CLASP2: variants seen among roughly 807,000 people sequenced by gnomAD.
CLASP2 encodes CLIP-associating protein 2.
In CLASP2, 47 loss-of-function variants were observed where a neutral mutation model predicts 194.4. The ratio of observed to expected loss-of-function variants is 0.24; its 90% CI spans 0.19 to 0.31. The LOEUF (loss-of-function observed/expected upper bound fraction) is 0.31, where lower values mean the gene tolerates loss of function less well. Among genes scored for constraint, CLASP2 ranks in the 10% least tolerant of loss-of-function variants. The pLI, the probability that CLASP2 is intolerant of heterozygous loss-of-function variation, is 1.00. For missense variants in CLASP2, 1,445 were observed against 1,823.6 expected (o/e 0.79, Z 3.78); for synonymous variants, 619 against 633.5 (o/e 0.98, Z 0.34).
At chr3:33,521,536 A>G (rs968144061) in intron 34 of CLASP2, among the ~76,000 whole-genome samples, 7 of 152,236 alleles carry the variant, frequency 4.6e-5, no homozygotes, top group Admixed American at 3.3e-4. Context: ...CTACATTCAG[A>G]GAAATGCTAC....
At chr3:33,525,780 C>A (rs998946920) in intron 34 of CLASP2, among the ~76,000 whole-genome samples, 22 of 152,288 alleles carry the variant, frequency 1.4e-4, no homozygotes, top group African/African-American at 5.3e-4. Flanking sequence ...CTGTACATAG[C>A]CTTAGGAAAG....
chr3:33,608,649 T>A (rs1273005347), intron 13 of CLASP2, 23 bp from the exon 14 acceptor site: 2 of 1,522,970 alleles, frequency 1.3e-6, no homozygotes, highest in Non-Finnish European at 1.8e-6. Flanking sequence ...AGTTGAATGA[T>A]AACTAAATGT....
At chr3:33,583,214 C>T (rs1365416869) in intron 22 of CLASP2, among the ~76,000 whole-genome samples, 1 of 152,168 alleles carries the variant, frequency 6.6e-6, no homozygotes, top group Non-Finnish European at 1.5e-5. Context: ...CTGCATATTT[C>T]CTTTCAGCAA....
chr3:33,513,230 C>T (rs1355550899), intron 36 of CLASP2, among the ~76,000 whole-genome samples: 3 of 151,930 alleles, frequency 2.0e-5, no homozygotes, highest in African/African-American at 7.3e-5. Flanking sequence ...TTGAATAAAA[C>T]AAAAACAAAA....
intron 7 of CLASP2, among the ~76,000 whole-genome samples, chr3:33,658,812 G>A (rs577376667): frequency 6.6e-6 from 1 of 152,210 alleles, no homozygotes; most frequent in African/African-American, 2.4e-5. Flanking sequence ...CAAATGACAT[G>A]CACACACATG....
At chr3:33,553,965 G>A (rs1322985416) in intron 29 of CLASP2, among the ~76,000 whole-genome samples, 2 of 152,088 alleles carry the variant, frequency 1.3e-5, no homozygotes, top group Admixed American at 6.5e-5. Context: ...AGTGGCTCAC[G>A]CCTGTAATCC....
At chr3:33,553,808 T>C (rs1458077377) in intron 29 of CLASP2, among the ~76,000 whole-genome samples, 1 of 152,076 alleles carries the variant, frequency 6.6e-6, no homozygotes, top group East Asian at 1.9e-4. Flanking sequence ...CCTCAAAAAA[T>C]TAAAAATAGA....
chr3:33,675,124 G>C (rs924734363), intron 6 of CLASP2, among the ~76,000 whole-genome samples: 2 of 152,078 alleles, frequency 1.3e-5, no homozygotes, highest in African/African-American at 4.8e-5. Context: ...GCCGCGCAGA[G>C]ACACAACCAA....
intron 17 of CLASP2, 45 bp from the exon 18 acceptor site, chr3:33,603,170 GA>G (rs1182905484): frequency 6.8e-7 from 1 of 1,477,332 alleles, no homozygotes; most frequent in East Asian, 2.5e-5. Context: ...TTAAATCACT[GA>G]AAACATGAAA....
chr3:33,675,444 A>G (rs970217697), intron 6 of CLASP2, among the ~76,000 whole-genome samples: 15 of 151,070 alleles, frequency 9.9e-5, no homozygotes, highest in African/African-American at 3.6e-4. Context: ...TCTCAAAATA[A>G]TAAGAGCTAT....
intron 37 of CLASP2, among the ~76,000 whole-genome samples, chr3:33,508,475 CG>C (rs1214631324): frequency 6.6e-6 from 1 of 151,916 alleles, no homozygotes; most frequent in Non-Finnish European, 1.5e-5. Context: ...GAATTACAGG[CG>C]TCTGCCACCA....
At position 33,702,641 on chromosome 3, in the gene CLASP2, CGAT is replaced by C. The variant is rs549585810; in HGVS notation, c.196-5711_196-5709del. Among the ~76,000 whole-genome samples the C allele has an allele frequency of 6.6e-5, 10 of 151,898 alleles. No homozygotes were observed. The South Asian group carries it at 2.1e-3, about 32-fold the overall frequency. On this transcript the variant is annotated intron_variant, in intron 1 of 38. Coordinates refer to ENST00000682230, the MANE Select transcript of CLASP2 (RefSeq NM_001365631.1). ...AAAACACCTAGTCTTCAAAAAAACA[CGAT>C]GAAGAAAGTGAAAAGACAACCAACA... is the stretch of plus-strand genomic sequence containing the variant.
At chr3:33,532,600 G>T (rs186726815) in intron 34 of CLASP2, among the ~76,000 whole-genome samples, 8 of 152,306 alleles carry the variant, frequency 5.3e-5, no homozygotes, top group Admixed American at 4.6e-4. Flanking sequence ...TTCTAATGGG[G>T]TTTTAAGGAT....
intron 20 of CLASP2, 157 bp from the exon 21 acceptor site, chr3:33,592,653 T>A: frequency 1.4e-6 from 1 of 694,992 alleles, no homozygotes; most frequent in Non-Finnish European, 2.5e-6. Flanking sequence ...TTATAAACAG[T>A]AATTTTTTTT....
intron 1 of CLASP2, 64 bp from the exon 2 acceptor site, chr3:33,696,997 A>G (rs946342055): frequency 4.7e-6 from 4 of 853,916 alleles, no homozygotes; most frequent in Non-Finnish European, 7.5e-6. Context: ...ATCAGTATTT[A>G]ATTTTTGACA....
chr3:33,592,590 A>G (rs1357813143), intron 20 of CLASP2, 94 bp from the exon 21 acceptor site: 1 of 917,276 alleles, frequency 1.1e-6, no homozygotes, highest in Non-Finnish European at 1.7e-6. Context: ...AGGTACTGCC[A>G]AATTCTGTAA....
intron 34 of CLASP2, among the ~76,000 whole-genome samples, chr3:33,525,329 G>GGA (rs1186277259): frequency 6.6e-6 from 1 of 152,050 alleles, no homozygotes; most frequent in African/African-American, 2.4e-5. Flanking sequence ...GGGCAAGATG[G>GGA]CTGACCAGAA....
chr3:33,587,274 C>T (rs939697389), intron 21 of CLASP2, among the ~76,000 whole-genome samples: 2 of 151,936 alleles, frequency 1.3e-5, no homozygotes, highest in Non-Finnish European at 2.9e-5. Flanking sequence ...TACAGGCACC[C>T]GCCACCACGC....
At chr3:33,642,490 G>A (rs1225033743) in intron 8 of CLASP2, among the ~76,000 whole-genome samples, 1 of 151,898 alleles carries the variant, frequency 6.6e-6, no homozygotes, top group African/African-American at 2.4e-5. Context: ...TAATTTAGCA[G>A]TTGATTATGT....
Sources: allele counts gnomAD v4.1 joint callset (sites outside exome capture counted in the v4.1 genomes callset), GRCh38; gene constraint gnomAD v4.1.1; transcripts MANE v1.5; gene names NCBI Gene and HGNC (gene_info 2026-07-23, HGNC 2026-07-21).